The following GPC6 variants were observed in gnomAD, a reference collection of about 807,000 sequenced individuals.
GPC6 encodes the protein glypican 6.
Under a neutral mutation model 55.2 loss-of-function variants are expected in GPC6, and 14 were observed. The ratio of observed to expected loss-of-function variants is 0.25; its 90% CI spans 0.17 to 0.40. The LOEUF is 0.40. Among genes scored for constraint, GPC6 ranks in the 10% least tolerant of loss-of-function variants. GPC6 has a pLI of 1.00. For synonymous variants in GPC6, 278 were observed against 259.6 expected, an observed-to-expected ratio of 1.07 and a Z score of -0.68; for missense variants, 641 against 708.5, an observed-to-expected ratio of 0.90 and a Z score of 1.08.
chr13:94,021,301 T>A (rs949813848), intron 3 of GPC6, among the ~76,000 whole-genome samples: 7 of 151,764 alleles, frequency 4.6e-5, no homozygotes, highest in African/African-American at 1.7e-4. Flanking sequence ...TCACATATTT[T>A]CTTGCTTATT....
chr13:93,906,905 A>G (rs890751860), intron 3 of GPC6, among the ~76,000 whole-genome samples: 3 of 152,168 alleles, frequency 2.0e-5, no homozygotes, highest in African/African-American at 7.2e-5. Flanking sequence ...GTAGATACAT[A>G]TATATTCTCT....
chr13:94,119,315 G>T (rs574105119), intron 4 of GPC6, among the ~76,000 whole-genome samples: 1 of 152,166 alleles, frequency 6.6e-6, no homozygotes, highest in African/African-American at 2.4e-5. Flanking sequence ...TAAGTGCTCT[G>T]AAGAAAAATA....
chr13:93,350,458 T>C (rs984158499), intron 1 of GPC6, among the ~76,000 whole-genome samples: 1 of 152,120 alleles, frequency 6.6e-6, no homozygotes, highest in Non-Finnish European at 1.5e-5. Context: ...AATAAATTCT[T>C]AAATGTCTTA....
intron 1 of GPC6, among the ~76,000 whole-genome samples, chr13:93,359,420 G>A (rs561122380): frequency 6.6e-5 from 10 of 152,098 alleles, no homozygotes; most frequent in South Asian, 2.1e-4. Context: ...TGGGATAATC[G>A]TACATTCTGT....
intron 2 of GPC6, among the ~76,000 whole-genome samples, chr13:93,578,342 A>G (rs1022221570): frequency 7.9e-5 from 12 of 151,980 alleles, no homozygotes; most frequent in Admixed American, 6.6e-4. Context: ...CTTTTCTTTG[A>G]TGAGAGACTT....
intron 2 of GPC6, among the ~76,000 whole-genome samples, chr13:93,697,524 T>C (rs1882502430): frequency 6.6e-6 from 1 of 152,228 alleles, no homozygotes; most frequent in Non-Finnish European, 1.5e-5. Context: ...CCAGCCATTC[T>C]GTCGGTTTTT....
At chr13:93,526,559 G>C in intron 1 of GPC6, among the ~76,000 whole-genome samples, 1 of 151,920 alleles carries the variant, frequency 6.6e-6, no homozygotes, top group East Asian at 1.9e-4. Context: ...TCTCTTCCCC[G>C]AGTACAGTAA....
At chr13:93,697,459 T>A (rs1026496413) in intron 2 of GPC6, among the ~76,000 whole-genome samples, 1 of 152,170 alleles carries the variant, frequency 6.6e-6, no homozygotes, top group Non-Finnish European at 1.5e-5. Context: ...CTTAATTCTA[T>A]ATCTGTTTTA....
intron 2 of GPC6, among the ~76,000 whole-genome samples, chr13:93,827,694 T>C (rs989525785): frequency 6.6e-6 from 1 of 152,198 alleles, no homozygotes; most frequent in Non-Finnish European, 1.5e-5. Context: ...CAATGTAAGC[T>C]TGGAATCTAA....
chr13:93,735,555 A>G (rs367905180), intron 2 of GPC6, among the ~76,000 whole-genome samples: 1 of 151,840 alleles, frequency 6.6e-6, no homozygotes, highest in Non-Finnish European at 1.5e-5. Context: ...ATGTCCAAGG[A>G]TAGACAGAGG....
intron 4 of GPC6, among the ~76,000 whole-genome samples, chr13:94,271,052 C>G (rs1004121575): frequency 1.5e-4 from 20 of 137,132 alleles, no homozygotes; most frequent in Non-Finnish European, 3.1e-4. Context: ...TGCAGTGGCG[C>G]AATCTCGGCT....
rs1880324937 is a variant in GPC6 at position 94,384,702 on chromosome 13, G to A, written c.1289+2152G>A. Among the ~76,000 whole-genome samples the A allele has an allele frequency of 2.0e-5, 3 of 152,290 alleles. 1 individual carries two copies. The highest frequency in any genetic ancestry group is 3.4e-3 in the Middle Eastern group (1 of 294). ...TGTGCAGATTAAGAACTCAGACAGGGTAAACAATTAGTCCACTGTTACCCA... is the reference window on the plus strand; with the variant it reads ...TGTGCAGATTAAGAACTCAGACAGGATAAACAATTAGTCCACTGTTACCCA... On this transcript the variant is annotated intron_variant, in intron 7 of 8. Coordinates refer to ENST00000377047, the MANE Select transcript of GPC6 (RefSeq NM_005708.5).
chr13:93,246,703 C>A (rs1467046740), intron 1 of GPC6, among the ~76,000 whole-genome samples: 2 of 138,970 alleles, frequency 1.4e-5, no homozygotes, highest in Non-Finnish European at 3.0e-5. Flanking sequence ...GAGGTTGAGG[C>A]AGGAGGTGAA....
At chr13:93,672,379 C>T (rs982926128) in intron 2 of GPC6, among the ~76,000 whole-genome samples, 5 of 151,684 alleles carry the variant, frequency 3.3e-5, no homozygotes, top group South Asian at 2.1e-4. Flanking sequence ...ATTTTTACCA[C>T]GGATATTAGT....
intron 3 of GPC6, among the ~76,000 whole-genome samples, chr13:93,890,139 A>ATT (rs1875580686): frequency 6.6e-6 from 1 of 152,132 alleles, no homozygotes; most frequent in Non-Finnish European, 1.5e-5. Flanking sequence ...AAGATTCCAG[A>ATT]GGCTGTGTCC....
chr13:93,250,073 T>A (rs1040037900), intron 1 of GPC6, among the ~76,000 whole-genome samples: 6 of 152,208 alleles, frequency 3.9e-5, no homozygotes, highest in African/African-American at 1.4e-4. Flanking sequence ...GACTCCTGGC[T>A]CCTCTACTTA....
chr13:93,789,130 G>A (rs1433986021), intron 2 of GPC6, among the ~76,000 whole-genome samples: 1 of 136,222 alleles, frequency 7.3e-6, no homozygotes. Flanking sequence ...GTTACCATAT[G>A]CAGGGGATGA....
At chr13:94,402,903 C>T in intron 8 of GPC6, 112 bp from the exon 9 acceptor site, 1 of 857,180 alleles carries the variant, frequency 1.2e-6, no homozygotes, top group South Asian at 1.3e-5. Flanking sequence ...CATGGCCTCT[C>T]CCCTGACAGG....
intron 2 of GPC6, among the ~76,000 whole-genome samples, chr13:93,627,864 T>C (rs930032804): frequency 3.3e-5 from 5 of 152,248 alleles, no homozygotes; most frequent in Non-Finnish European, 1.5e-5. Flanking sequence ...ACTATCATTA[T>C]GAAGAAAAGA....
Sources: allele counts gnomAD v4.1 joint callset (sites outside exome capture counted in the v4.1 genomes callset), GRCh38; gene constraint gnomAD v4.1.1; transcripts MANE v1.5; gene names NCBI Gene and HGNC (gene_info 2026-07-23, HGNC 2026-07-21).